The following FRMPD4 variants were observed in gnomAD, a reference collection of about 807,000 sequenced individuals.
FRMPD4 encodes FERM and PDZ domain containing 4, also known as FERM and PDZ domain-containing protein 4.
A neutral mutation model predicts 94.1 loss-of-function variants in FRMPD4; 22 were observed. That is an observed-to-expected ratio of 0.23 (90% CI 0.17 to 0.33). The LOEUF (loss-of-function observed/expected upper bound fraction) is 0.33, where lower values mean the gene tolerates loss of function less well. Among genes scored for constraint, FRMPD4 ranks in the 10% least tolerant of loss-of-function variants. The pLI, the probability that FRMPD4 is intolerant of heterozygous loss-of-function variation, is 1.00. For missense variants in FRMPD4, 1,111 were observed against 1,339.9 expected, an observed-to-expected ratio of 0.83 and a Z score of 2.67; for synonymous variants, 631 against 548.6, an observed-to-expected ratio of 1.15 and a Z score of -2.10.
At chrX:12,279,793 A>G (rs1477749902) in intron 1 of FRMPD4, among the ~76,000 whole-genome samples, 1 of 110,760 alleles carries the variant, frequency 9.0e-6, no homozygotes, top group African/African-American at 3.3e-5. Context: ...CATTGCTCCA[A>G]AAGATTCCCA....
At chrX:12,615,627 T>C (rs1208737433) in intron 4 of FRMPD4, among the ~76,000 whole-genome samples, 1 of 110,926 alleles carries the variant, frequency 9.0e-6, no homozygotes, top group Non-Finnish European at 1.9e-5. Flanking sequence ...TCTATGGGAG[T>C]GTTGAGGAAT....
At chrX:12,561,870 G>C (rs73442797) in intron 2 of FRMPD4, among the ~76,000 whole-genome samples, 2,728 of 112,167 alleles carry the variant, frequency 0.024, 75 homozygotes, top group African/African-American at 0.082. Flanking sequence ...AGATCTAATA[G>C]CTCTCACTGA....
chrX:12,243,790 C>CTTTTTTTTTTTTTTTTTTTTTTTTTTT, intron 1 of FRMPD4, among the ~76,000 whole-genome samples: 1 of 22,914 alleles, frequency 4.4e-5, no homozygotes, highest in Non-Finnish European at 6.9e-5. Flanking sequence ...ATCTAAAGGG[C>CTTTTTTTTTTTTTTTTTTTTTTTTTTT]TTTTTTTTTT....
At chrX:12,319,727 T>G (rs1450783594) in intron 1 of FRMPD4, among the ~76,000 whole-genome samples, 4 of 112,022 alleles carry the variant, frequency 3.6e-5, no homozygotes, top group Non-Finnish European at 3.8e-5. Flanking sequence ...AGACTACCAC[T>G]GTAAAATGCA....
intron 3 of FRMPD4, among the ~76,000 whole-genome samples, chrX:12,102,080 G>A (rs1032592352): frequency 8.9e-6 from 1 of 112,279 alleles, no homozygotes; most frequent in Non-Finnish European, 1.9e-5. Context: ...CCTTTTGAAA[G>A]TGTGACTGAC....
chrX:12,304,088 G>A (rs1184474995), intron 1 of FRMPD4, among the ~76,000 whole-genome samples: 4 of 111,176 alleles, frequency 3.6e-5, no homozygotes, highest in Non-Finnish European at 5.7e-5. Context: ...GGTTTTCCTC[G>A]GAATATGACA....
intron 3 of FRMPD4, among the ~76,000 whole-genome samples, chrX:11,941,464 T>A (rs2054159663): frequency 8.9e-6 from 1 of 112,220 alleles, no homozygotes; most frequent in Non-Finnish European, 1.9e-5. Context: ...AGAAGCATTC[T>A]ACTCTTCCTC....
At chrX:11,951,222 C>A (rs902959492) in intron 3 of FRMPD4, among the ~76,000 whole-genome samples, 1 of 111,055 alleles carries the variant, frequency 9.0e-6, no homozygotes, top group Non-Finnish European at 1.9e-5. Flanking sequence ...TACCATTCGA[C>A]CCAGCAATCC....
At chrX:12,113,338 C>T (rs969698521) in intron 3 of FRMPD4, among the ~76,000 whole-genome samples, 2 of 112,148 alleles carry the variant, frequency 1.8e-5, no homozygotes, top group African/African-American at 6.5e-5. Context: ...AACTTAGTGG[C>T]CTAAAAAATA....
chrX:12,512,145 T>A (rs1356449871), intron 2 of FRMPD4, among the ~76,000 whole-genome samples: 1 of 112,707 alleles, frequency 8.9e-6, no homozygotes, highest in African/African-American at 3.2e-5. Context: ...CAATGAAGTA[T>A]TTTTAATTAA....
At chrX:12,096,107 T>C (rs1447642046) in intron 3 of FRMPD4, among the ~76,000 whole-genome samples, 2 of 112,747 alleles carry the variant, frequency 1.8e-5, no homozygotes, top group Admixed American at 9.4e-5. Flanking sequence ...GGCTCAATTA[T>C]TTATTGAAGG....
chrX:12,114,493 A>C (rs1249269852), intron 3 of FRMPD4, among the ~76,000 whole-genome samples: 1 of 112,392 alleles, frequency 8.9e-6, no homozygotes, highest in Non-Finnish European at 1.9e-5. Flanking sequence ...TTACTTAACC[A>C]AAAAGCTTAT....
chrX:12,009,272 A>G lies in FRMPD4; in HGVS notation c.95+131254A>G, dbSNP rs780769616. On this transcript the variant is annotated intron_variant, in intron 3 of 18. Coordinates refer to the FRMPD4 transcript ENST00000640291. ...ATGTCAAGTTGTACACCTTAAATATATAATTTTTATTTGTCAGTTATACTT... is the reference window on the plus strand; with the variant it reads ...ATGTCAAGTTGTACACCTTAAATATGTAATTTTTATTTGTCAGTTATACTT... Among the ~76,000 whole-genome samples, 5 of 112,723 alleles carry G rather than the reference A, an allele frequency of 4.4e-5. No individual in the cohort carries two copies. The East Asian group carries it at 1.4e-3, about 31-fold the overall frequency.
intron 1 of FRMPD4, among the ~76,000 whole-genome samples, chrX:12,444,991 A>G (rs977190033): frequency 2.7e-5 from 3 of 112,089 alleles, no homozygotes; most frequent in Non-Finnish European, 5.6e-5. Flanking sequence ...GACTTGGGAA[A>G]GTTATTACAA....
At chrX:12,291,195 A>G (rs1178615673) in intron 1 of FRMPD4, among the ~76,000 whole-genome samples, 1 of 112,438 alleles carries the variant, frequency 8.9e-6, no homozygotes. Flanking sequence ...TCCAAAGGCC[A>G]GTTTTTGATC....
intron 1 of FRMPD4, among the ~76,000 whole-genome samples, chrX:12,203,266 G>A (rs765253092): frequency 8.9e-6 from 1 of 111,793 alleles, no homozygotes; most frequent in African/African-American, 3.2e-5. Flanking sequence ...CACACTGTTC[G>A]AGAAATTTGG....
intron 2 of FRMPD4, among the ~76,000 whole-genome samples, chrX:12,560,673 G>C (rs926408044): frequency 3.0e-5 from 3 of 100,339 alleles, no homozygotes; most frequent in Non-Finnish European, 5.9e-5. Context: ...ATTGGCATGT[G>C]TATATTTTTT....
chrX:11,888,431 G>T lies in FRMPD4; in HGVS notation c.95+10413G>T, dbSNP rs777058883. Among the ~76,000 whole-genome samples the T allele has an allele frequency of 2.3e-3, 253 of 112,165 alleles. 2 individuals are homozygous for T. Among genetic ancestry groups the T allele is most frequent in the Non-Finnish European group, 3.6e-3 (194 of 53,184 alleles). Reference sequence around the variant, plus strand: ...TTACTAATTTAGTGAAATTATGTGTGCCATAGCAAAAATAATTTTAAAGGT... The same window carrying T: ...TTACTAATTTAGTGAAATTATGTGTTCCATAGCAAAAATAATTTTAAAGGT... On this transcript the variant is annotated intron_variant, in intron 3 of 18. Coordinates refer to the FRMPD4 transcript ENST00000640291.
intron 1 of FRMPD4, among the ~76,000 whole-genome samples, chrX:11,849,094 A>T (rs1047869211): frequency 4.5e-5 from 5 of 112,028 alleles, no homozygotes; most frequent in Admixed American, 1.9e-4. Context: ...GAACTAATAC[A>T]TGGAGTCAGC....
Sources: allele counts gnomAD v4.1 joint callset (sites outside exome capture counted in the v4.1 genomes callset), GRCh38; gene constraint gnomAD v4.1.1; transcripts MANE v1.5; gene names NCBI Gene and HGNC (gene_info 2026-07-23, HGNC 2026-07-21).